KIAA1671: variants seen among roughly 807,000 people sequenced by gnomAD.
KIAA1671 encodes KIAA1671.
KIAA1671 carries 52 observed loss-of-function variants against 131.2 expected under a neutral mutation model. That is an observed-to-expected ratio of 0.40 (90% CI 0.32 to 0.50). The LOEUF (loss-of-function observed/expected upper bound fraction) is 0.50, where lower values mean the gene tolerates loss of function less well. Ranked by LOEUF, KIAA1671 falls within the 20% of genes least tolerant of loss-of-function variation. The pLI, the probability that KIAA1671 is intolerant of heterozygous loss-of-function variation, is 0.73. For missense variants in KIAA1671, 2,360 were observed against 2,364.2 expected, an observed-to-expected ratio of 1.00 and a Z score of 0.04; for synonymous variants, 1,003 against 961.6, an observed-to-expected ratio of 1.04 and a Z score of -0.80.
chr22:25,188,637 A>G (rs188320659), intron 11 of KIAA1671, among the ~76,000 whole-genome samples: 74 of 152,330 alleles, frequency 4.9e-4, no homozygotes, highest in African/African-American at 1.8e-3. Context: ...TCATAACCAC[A>G]TACGTATATT....
intron 6 of KIAA1671, among the ~76,000 whole-genome samples, chr22:25,072,746 G>T (rs1327530144): frequency 6.6e-6 from 1 of 152,058 alleles, no homozygotes; most frequent in Non-Finnish European, 1.5e-5. Context: ...TTGCTTCTTG[G>T]GGCAATTCCT....
At chr22:25,069,557 G>A (rs1332285059) in intron 6 of KIAA1671, among the ~76,000 whole-genome samples, 1 of 151,818 alleles carries the variant, frequency 6.6e-6, no homozygotes, top group African/African-American at 2.4e-5. Context: ...ATGGCTGGGA[G>A]GCCTGGGTTC....
At chr22:25,093,746 C>CTT (rs55791503) in intron 6 of KIAA1671, among the ~76,000 whole-genome samples, 63 of 121,392 alleles carry the variant, frequency 5.2e-4, no homozygotes, top group East Asian at 2.0e-3. Context: ...CACTCTCTCT[C>CTT]TCTCTCTCTC....
chr22:24,961,930 T>G (rs1175339329), intron 1 of KIAA1671, among the ~76,000 whole-genome samples: 1 of 152,142 alleles, frequency 6.6e-6, no homozygotes, highest in African/African-American at 2.4e-5. Context: ...GAGACCTGGT[T>G]TGAGTTTATA....
At chr22:25,131,832 C>A (rs1206991378) in intron 6 of KIAA1671, among the ~76,000 whole-genome samples, 2 of 152,232 alleles carry the variant, frequency 1.3e-5, no homozygotes, top group Non-Finnish European at 2.9e-5. Flanking sequence ...TGGCTGTGGG[C>A]AGGTTACTTT....
At chr22:25,065,984 T>TG (rs1161576780) in intron 6 of KIAA1671, among the ~76,000 whole-genome samples, 1 of 152,140 alleles carries the variant, frequency 6.6e-6, no homozygotes, top group African/African-American at 2.4e-5. Context: ...CTCACAGTTC[T>TG]GGAGGCTGGG....
intron 6 of KIAA1671, among the ~76,000 whole-genome samples, chr22:25,072,006 G>A (rs149391080): frequency 6.6e-6 from 1 of 152,154 alleles, no homozygotes; most frequent in Non-Finnish European, 1.5e-5. Context: ...GGCCAGGAGA[G>A]CCTCCCCAAG....
rs940451537 is a variant in KIAA1671, at chr22:25,192,834, T to C, written c.*433T>C. ...CACCCGACCCCGGGGCAGGTCTTTT[T>C]TTGGAAGGACATTTCCAAGGAAGAT... On this transcript the variant is annotated 3_prime_UTR_variant, in exon 13 of 13. Coordinates refer to ENST00000358431, the MANE Select transcript of KIAA1671 (RefSeq NM_001145206.2). 1 of 152,166 alleles carries C rather than the reference T, an allele frequency of 6.6e-6. No homozygotes were observed. The highest frequency in any genetic ancestry group is 1.5e-5 in the Non-Finnish European group (1 of 68,046). 9.4% of individuals were successfully genotyped at this position (152,166 alleles called of 1,614,324 possible).
chr22:25,101,877 A>G (rs1356967368), intron 6 of KIAA1671, among the ~76,000 whole-genome samples: 1 of 152,100 alleles, frequency 6.6e-6, no homozygotes, highest in African/African-American at 2.4e-5. Context: ...TGATGGGTAA[A>G]CCAAATTATG....
chr22:25,007,029 T>C (rs116684583), intron 1 of KIAA1671, among the ~76,000 whole-genome samples: 167 of 152,136 alleles, frequency 1.1e-3, no homozygotes, highest in African/African-American at 3.8e-3. Flanking sequence ...TTCTTGTGGG[T>C]TTCAGTTATG....
chr22:24,981,374 G>A (rs962434268), intron 1 of KIAA1671, among the ~76,000 whole-genome samples: 2 of 152,110 alleles, frequency 1.3e-5, no homozygotes, highest in African/African-American at 4.8e-5. Context: ...TCACTGACCC[G>A]GGGCACACCC....
intron 1 of KIAA1671, among the ~76,000 whole-genome samples, chr22:24,984,578 C>T (rs1362513323): frequency 2.0e-5 from 3 of 152,118 alleles, no homozygotes; most frequent in Admixed American, 6.6e-5. Flanking sequence ...ACTTAATAAG[C>T]GTGGAATTAA....
At chr22:25,001,549 G>T (rs1392896725) in intron 1 of KIAA1671, among the ~76,000 whole-genome samples, 1 of 152,172 alleles carries the variant, frequency 6.6e-6, no homozygotes, top group African/African-American at 2.4e-5. Flanking sequence ...AGAAGGTGGT[G>T]GTCTGGACTG....
intron 6 of KIAA1671, among the ~76,000 whole-genome samples, chr22:25,074,470 A>G (rs1928989705): frequency 7.2e-6 from 1 of 139,322 alleles, no homozygotes; most frequent in African/African-American, 2.8e-5. Context: ...ACACCTCTGC[A>G]CTCCAGCCTG....
intron 6 of KIAA1671, among the ~76,000 whole-genome samples, chr22:25,116,723 C>T (rs116899346): frequency 0.034 from 5,237 of 152,240 alleles, 146 homozygotes; most frequent in Non-Finnish European, 0.052. Context: ...ACCTGGCCCC[C>T]TCAGTCAGTA....
chr22:24,995,327 T>C (rs10428010), intron 1 of KIAA1671, among the ~76,000 whole-genome samples: 37,971 of 149,886 alleles, frequency 0.25, 5,985 homozygotes, highest in African/African-American at 0.45. Context: ...GCTGGGATTA[T>C]AGGCGTGAGC....
At chr22:25,186,110 A>G (rs1190925048) in intron 11 of KIAA1671, 2 of 152,234 alleles carry the variant, frequency 1.3e-5, no homozygotes, top group Admixed American at 6.5e-5. Context: ...TGTATTGTCC[A>G]TAACTGCTTT....
Position 25,028,659 on chromosome 22 carries a change from G to A in KIAA1671, c.660G>A (p.Lys220=). ...EEAGQDHPPS[K]ASSVEDTARP... ...CAGGCCAAGACCATCCTCCCTCAAA[G>A]GCCAGCAGTGTGGAGGACACGGCAC... Residue 220 remains lysine, a synonymous_variant, in exon 3 of 13, where the codon AAG becomes AAA. Transcript: ENST00000358431. 5.2e-6 allele frequency: 8 copies of A among 1,550,954 alleles called. No individual in the cohort carries two copies. The highest frequency in any genetic ancestry group is 1.7e-4 in the Middle Eastern group (1 of 5,992).
chr22:25,101,696 A>C (rs375091885), intron 6 of KIAA1671, among the ~76,000 whole-genome samples: 201 of 152,168 alleles, frequency 1.3e-3, no homozygotes, highest in African/African-American at 4.2e-3. Flanking sequence ...GTTGCCTTGG[A>C]AACAAGTCTC....
Sources: gnomAD v4.1 joint callset for allele counts (sites outside exome capture counted in the v4.1 genomes callset) on GRCh38, gnomAD v4.1.1 for gene constraint, MANE v1.5 for transcripts, NCBI Gene and HGNC (gene_info 2026-07-23, HGNC 2026-07-21) for gene names.